Variants in DEPTOR observed in about 807,000 individuals in gnomAD.
DEPTOR encodes the protein DEP domain-containing mTOR-interacting protein.
DEPTOR carries 41 observed loss-of-function variants against 41.6 expected under a neutral mutation model. The observed-to-expected ratio is 0.98, with a 90% CI of 0.77 to 1.28. The LOEUF is 1.28. DEPTOR is among the 50% of genes most tolerant of loss of function. The pLI is 0.00. For synonymous variants in DEPTOR, 195 were observed against 192.3 expected, an observed-to-expected ratio of 1.01 and a Z score of -0.12; for missense variants, 514 against 527.9, an observed-to-expected ratio of 0.97 and a Z score of 0.26.
chr8:120,007,555 C>G (rs1812462184), intron 7 of DEPTOR, among the ~76,000 whole-genome samples: 2 of 152,174 alleles, frequency 1.3e-5, no homozygotes, highest in African/African-American at 4.8e-5. Context: ...CACCCACTCC[C>G]CTTCCTGTGT....
chr8:119,903,634 C>G (rs1233347955), intron 1 of DEPTOR, among the ~76,000 whole-genome samples: 3 of 152,258 alleles, frequency 2.0e-5, no homozygotes, highest in Admixed American at 2.0e-4. Context: ...AACTGACAGT[C>G]TTGGTCTCCT....
rs1484153213 is a variant in DEPTOR at position 120,049,534 on chromosome 8, A to G, written c.1102-42A>G. ...CTTTATTAAAGCTTTGTGCAAAACC[A>G]GGCGCTATAATAGATGCTCTTTCTT... On this transcript the variant is annotated intron_variant, in intron 8 of 8. Transcript: ENST00000286234. 4 of 1,600,024 alleles carry G rather than the reference A, an allele frequency of 2.5e-6. No homozygotes were observed. In the African/African-American group the frequency reaches 4.0e-5, roughly 16 times the overall value.
At chr8:120,011,539 AT>A (rs943177477) in intron 8 of DEPTOR, among the ~76,000 whole-genome samples, 27 of 151,974 alleles carry the variant, frequency 1.8e-4, no homozygotes, top group Non-Finnish European at 3.4e-4. Context: ...CCTGGTATAA[AT>A]TTTTTTTGGC....
At chr8:119,904,071 A>G (rs984025645) in intron 1 of DEPTOR, among the ~76,000 whole-genome samples, 3 of 151,858 alleles carry the variant, frequency 2.0e-5, no homozygotes, top group Non-Finnish European at 4.4e-5. Context: ...AGGAAGTAAA[A>G]GGCACTCGAT....
At chr8:120,015,525 A>G (rs961184270) in intron 8 of DEPTOR, among the ~76,000 whole-genome samples, 2 of 152,184 alleles carry the variant, frequency 1.3e-5, no homozygotes, top group Non-Finnish European at 2.9e-5. Context: ...TCATCTTGCT[A>G]TATCCCAACA....
intron 5 of DEPTOR, 32 bp downstream of exon 5, chr8:120,001,742 G>A (rs1443850063): frequency 1.3e-6 from 2 of 1,585,068 alleles, no homozygotes; most frequent in South Asian, 2.3e-5. Context: ...TGGAGCTCAA[G>A]TGTTTGTCTT....
intron 3 of DEPTOR, among the ~76,000 whole-genome samples, chr8:119,953,661 G>A (rs1324796530): frequency 6.6e-6 from 1 of 151,970 alleles, no homozygotes; most frequent in African/African-American, 2.4e-5. Flanking sequence ...AATAGACTCA[G>A]TGGGGAAACC....
intron 8 of DEPTOR, among the ~76,000 whole-genome samples, chr8:120,030,512 T>G (rs1405433006): frequency 2.3e-5 from 3 of 130,302 alleles, no homozygotes; most frequent in South Asian, 3.1e-4. Flanking sequence ...TTTTTTTTTT[T>G]TTTTTTTTTT....
chr8:119,885,108 C>A (rs951675848), intron 1 of DEPTOR, among the ~76,000 whole-genome samples: 2 of 152,102 alleles, frequency 1.3e-5, no homozygotes, highest in African/African-American at 4.8e-5. Flanking sequence ...GTTTCTTTCT[C>A]CTTTCCCAAG....
chr8:120,010,839 G>A (rs1286377171), intron 8 of DEPTOR, among the ~76,000 whole-genome samples: 3 of 152,066 alleles, frequency 2.0e-5, no homozygotes, highest in African/African-American at 7.2e-5. Context: ...TCTTGTGTGT[G>A]TATATATACT....
At chr8:119,930,738 G>T (rs989355302) in intron 3 of DEPTOR, among the ~76,000 whole-genome samples, 1 of 152,000 alleles carries the variant, frequency 6.6e-6, no homozygotes, top group Non-Finnish European at 1.5e-5. Flanking sequence ...GTTTTTGGTT[G>T]GTGGGTCTCG....
At chr8:119,988,632 A>C (rs1256609934) in intron 4 of DEPTOR, among the ~76,000 whole-genome samples, 2 of 151,964 alleles carry the variant, frequency 1.3e-5, no homozygotes, top group African/African-American at 4.8e-5. Flanking sequence ...ACAGGTGTGT[A>C]CCACCATGCC....
chr8:119,874,684 G>C (rs1477755329), intron 1 of DEPTOR, among the ~76,000 whole-genome samples: 2 of 152,078 alleles, frequency 1.3e-5, no homozygotes, highest in Admixed American at 6.5e-5. Flanking sequence ...GGATCCATGG[G>C]GACCCTGGCT....
intron 3 of DEPTOR, among the ~76,000 whole-genome samples, chr8:119,943,221 G>A (rs1434073515): frequency 1.3e-5 from 2 of 152,124 alleles, no homozygotes; most frequent in Non-Finnish European, 2.9e-5. Flanking sequence ...TTATTCCCCT[G>A]CTTCCTCCCT....
chr8:120,013,600 G>A (rs1290241290), intron 8 of DEPTOR, among the ~76,000 whole-genome samples: 1 of 152,166 alleles, frequency 6.6e-6, no homozygotes, highest in African/African-American at 2.4e-5. Flanking sequence ...AACCTGCTAG[G>A]TCTGAGTGGT....
chr8:119,881,339 T>C (rs1443422949), intron 1 of DEPTOR, among the ~76,000 whole-genome samples: 1 of 152,016 alleles, frequency 6.6e-6, no homozygotes, highest in African/African-American at 2.4e-5. Context: ...CTGGCCAACA[T>C]AGTGAAATCC....
In DEPTOR at chr8:120,036,317, T is replaced by C. The variant is rs139762000; in HGVS notation, c.1102-13259T>C. On this transcript the variant is annotated intron_variant, in intron 8 of 8. Transcript: ENST00000286234. Reference sequence around the variant, plus strand: ...GAAAGTTAGTCATTCTTATATATGGTTGGCTTTCTTTCAAGGTCAATTGCA... The same window carrying C: ...GAAAGTTAGTCATTCTTATATATGGCTGGCTTTCTTTCAAGGTCAATTGCA... Among the ~76,000 whole-genome samples, 388 of 152,342 alleles carry C rather than the reference T, an allele frequency of 2.5e-3. 2 individuals are homozygous for C. Among genetic ancestry groups the C allele is most frequent in the Non-Finnish European group, 4.7e-3 (317 of 68,038 alleles).
chr8:119,873,727 G>A lies in DEPTOR; in HGVS notation c.-120G>A, dbSNP rs1017802389. On this transcript the variant is annotated 5_prime_UTR_variant, in exon 1 of 9. Transcript: ENST00000286234. ...ATTCCCTCTCCAGCCAATCCAGTCA[G>A]AGCAGCGGAGCTGCCCCGAACAAAG... 9 of 1,424,482 alleles carry A rather than the reference G, an allele frequency of 6.3e-6. No homozygotes were observed. The highest frequency in any genetic ancestry group is 8.5e-6 in the Non-Finnish European group (9 of 1,064,812). 88.2% of individuals were successfully genotyped at this position (1,424,482 alleles called of 1,614,324 possible). A position where few individuals can be genotyped will look rare whatever the true frequency, so the allele number is the denominator to read the frequency against.
chr8:119,899,338 T>C (rs1472971193), intron 1 of DEPTOR, among the ~76,000 whole-genome samples: 2 of 152,216 alleles, frequency 1.3e-5, no homozygotes, highest in African/African-American at 2.4e-5. Context: ...GGATTTTATC[T>C]AGGAGCTGAA....
Sources: allele counts gnomAD v4.1 joint callset (sites outside exome capture counted in the v4.1 genomes callset), GRCh38; gene constraint gnomAD v4.1.1; transcripts MANE v1.5; gene names NCBI Gene and HGNC (gene_info 2026-07-23, HGNC 2026-07-21).